POLR3B: variants seen among roughly 807,000 people sequenced by gnomAD.
The protein encoded by POLR3B is RNA polymerase III subunit B, also known as DNA-directed RNA polymerase III subunit RPC2.
In POLR3B, 96 loss-of-function variants were observed where a neutral mutation model predicts 147.4. That is an observed-to-expected ratio of 0.65 (90% CI 0.55 to 0.77). The LOEUF (loss-of-function observed/expected upper bound fraction) is 0.77. Among genes scored for constraint, POLR3B ranks in the 30% least tolerant of loss-of-function variants. POLR3B has a pLI of 0.00. For synonymous variants in POLR3B, 461 were observed against 485.9 expected (o/e 0.95, Z 0.67); for missense variants, 1,036 against 1,413.5 (o/e 0.73, Z 4.28).
At chr12:106,466,909 T>G (rs1024717824) in intron 23 of POLR3B, among the ~76,000 whole-genome samples, 1 of 152,216 alleles carries the variant, frequency 6.6e-6, no homozygotes, top group Non-Finnish European at 1.5e-5. Flanking sequence ...TTGTTCTTCT[T>G]GCCCAGGATT....
chr12:106,499,744 C>T (rs1295968672), intron 25 of POLR3B, among the ~76,000 whole-genome samples: 1 of 152,196 alleles, frequency 6.6e-6, no homozygotes, highest in Admixed American at 6.5e-5. Context: ...TGTGACAAAA[C>T]CAAGACAAGG....
chr12:106,386,914 A>G (rs1449976793), intron 9 of POLR3B, among the ~76,000 whole-genome samples: 2 of 152,190 alleles, frequency 1.3e-5, no homozygotes, highest in African/African-American at 4.8e-5. Flanking sequence ...CTCAAAAAAA[A>G]AAAGAAAAAA....
At chr12:106,462,722 T>G (rs1411698933) in intron 22 of POLR3B, among the ~76,000 whole-genome samples, 1 of 152,194 alleles carries the variant, frequency 6.6e-6, no homozygotes, top group Non-Finnish European at 1.5e-5. Context: ...AATCACCTCT[T>G]ATTCTCCAAA....
chr12:106,492,836 G>A (rs1020138442), intron 23 of POLR3B, among the ~76,000 whole-genome samples: 11 of 152,136 alleles, frequency 7.2e-5, no homozygotes, highest in Non-Finnish European at 1.2e-4. Flanking sequence ...TTGTCGATTG[G>A]GGTATTGGCA....
chr12:106,373,606 T>TA (rs1015031737), intron 6 of POLR3B, among the ~76,000 whole-genome samples: 1 of 152,032 alleles, frequency 6.6e-6, no homozygotes, highest in African/African-American at 2.4e-5. Context: ...ATACAAAAAT[T>TA]AACTGGGTGT....
chr12:106,479,511 G>T (rs1020206523), intron 23 of POLR3B, among the ~76,000 whole-genome samples: 3 of 151,660 alleles, frequency 2.0e-5, no homozygotes, highest in Admixed American at 6.6e-5. Context: ...CTCCCGAGTA[G>T]CTGGGACTAC....
Position 106,504,235 on chromosome 12 carries a change from C to A in POLR3B, c.3253C>A (p.Leu1085Ile). ...GGTTGATGTCTGTGGGCAGTGTGGA[C>A]TTCTGGGGTATTCTGGCTGGTAAGT... is the stretch of plus-strand genomic sequence containing the variant. ...FEVDVCGQCG[L>I]LGYSGWCHYC... The change falls in exon 27 of 28, where the codon CTT becomes ATT. Residue 1085 changes from leucine (L) to isoleucine (I), a missense_variant. Leu to Ile is a conservative substitution (Grantham distance 5). Coordinates refer to ENST00000228347, the MANE Select transcript of POLR3B (RefSeq NM_018082.6). This position sits in a 1 kb window ranked among gnomAD's most constrained non-coding sequence, Gnocchi z 4.6. The A allele has an allele frequency of 6.2e-7, 1 of 1,614,012 alleles. No individual in the cohort carries two copies. Among genetic ancestry groups the A allele is most frequent in the Non-Finnish European group, 8.5e-7 (1 of 1,179,920 alleles).
At chr12:106,492,494 C>G (rs78040945) in intron 23 of POLR3B, among the ~76,000 whole-genome samples, 1,870 of 152,224 alleles carry the variant, frequency 0.012, 32 homozygotes, top group African/African-American at 0.041. Context: ...CATGATTGTG[C>G]CACTGCACTC....
chr12:106,470,383 C>T (rs1336887180), intron 23 of POLR3B, among the ~76,000 whole-genome samples: 1 of 152,112 alleles, frequency 6.6e-6, no homozygotes, highest in African/African-American at 2.4e-5. Flanking sequence ...AGCTTCCTCG[C>T]AATGGGTTAG....
intron 7 of POLR3B, among the ~76,000 whole-genome samples, chr12:106,377,451 A>G (rs1465284307): frequency 6.6e-6 from 1 of 152,236 alleles, no homozygotes; most frequent in African/African-American, 2.4e-5. Context: ...TTCTGCAGGT[A>G]TAAAATGAAG....
In POLR3B at chr12:106,364,883, C is replaced by T. The variant is rs554629339; in HGVS notation, c.105+981C>T. Among the ~76,000 whole-genome samples the T allele has an allele frequency of 6.6e-5, 10 of 152,304 alleles. No individual in the cohort carries two copies. In the South Asian group the frequency reaches 1.9e-3, roughly 28 times the overall value. On this transcript the variant is annotated intron_variant, in intron 2 of 27. Transcript: ENST00000228347. Reference sequence around the variant, plus strand: ...GGGCGCGGTGGCTCACGCCTGTAATCCCAGCACCTGGGGAGGCTGAGGTGG... The same window carrying T: ...GGGCGCGGTGGCTCACGCCTGTAATTCCAGCACCTGGGGAGGCTGAGGTGG...
At chr12:106,500,800 G>A (rs1031416522) in intron 25 of POLR3B, among the ~76,000 whole-genome samples, 2 of 152,218 alleles carry the variant, frequency 1.3e-5, no homozygotes, top group African/African-American at 4.8e-5. Context: ...AAACAGTGAG[G>A]TGTGCAGGAA....
At chr12:106,398,554 C>G (rs2037015073) in intron 10 of POLR3B, among the ~76,000 whole-genome samples, 1 of 152,190 alleles carries the variant, frequency 6.6e-6, no homozygotes, top group East Asian at 1.9e-4. Flanking sequence ...TTCCCTGACC[C>G]CCGAATAGCC....
chr12:106,426,220 ATTTG>A (rs1055441270), intron 12 of POLR3B, among the ~76,000 whole-genome samples: 3 of 84,718 alleles, frequency 3.5e-5, no homozygotes, highest in Admixed American at 2.4e-4. Context: ...AGGGCCTGCA[ATTTG>A]TGTGTGTGTG....
intron 23 of POLR3B, among the ~76,000 whole-genome samples, chr12:106,477,597 G>A (rs1295134284): frequency 3.3e-5 from 5 of 152,082 alleles, no homozygotes; most frequent in African/African-American, 9.7e-5. Context: ...TCTGAAAAGC[G>A]CAATATTCAG....
At chr12:106,446,393 T>A (rs1481338614) in intron 19 of POLR3B, 1 of 318,790 alleles carries the variant, frequency 3.1e-6, no homozygotes, top group African/African-American at 2.4e-5. Context: ...AATAATATTT[T>A]TATTTTTATA....
At chr12:106,369,778 C>G in intron 6 of POLR3B, 95 bp downstream of exon 6, 1 of 804,624 alleles carries the variant, frequency 1.2e-6, no homozygotes, top group Non-Finnish European at 2.2e-6. Context: ...GGAAATGCTG[C>G]CTATTTCATA....
chr12:106,477,062 C>A (rs1327981769), intron 23 of POLR3B, among the ~76,000 whole-genome samples: 1 of 147,126 alleles, frequency 6.8e-6, no homozygotes, highest in Non-Finnish European at 1.5e-5. Flanking sequence ...GATGTCCTTT[C>A]TGTTTGTTAG....
At chr12:106,361,441 C>A (rs2036468674) in intron 1 of POLR3B, among the ~76,000 whole-genome samples, 1 of 152,100 alleles carries the variant, frequency 6.6e-6, no homozygotes, top group South Asian at 2.1e-4. Context: ...ACATACTGAT[C>A]TTAAGTAGCC....
Sources: allele counts gnomAD v4.1 joint callset (sites outside exome capture counted in the v4.1 genomes callset), GRCh38; gene constraint gnomAD v4.1.1; non-coding constraint Gnocchi (gnomAD v3.1); transcripts MANE v1.5; gene names NCBI Gene and HGNC (gene_info 2026-07-23, HGNC 2026-07-21).